COL4A3: variants seen among roughly 807,000 people sequenced by gnomAD.
COL4A3 encodes collagen alpha-3(IV) chain.
A neutral mutation model predicts 217.4 loss-of-function variants in COL4A3; 135 were observed. The ratio of observed to expected loss-of-function variants is 0.62; its 90% CI spans 0.54 to 0.72. The LOEUF is 0.72. COL4A3 is among the 30% of genes least tolerant of loss of function. The pLI is 0.00. For synonymous variants in COL4A3, 690 were observed against 736.3 expected (o/e 0.94, Z 1.02); for missense variants, 1,868 against 2,119.9 (o/e 0.88, Z 2.33).
rs1345753122 is a variant in COL4A3 at position 227,276,329 on chromosome 2, C to T, written c.1928-56C>T. 27 of 1,247,932 alleles carry T rather than the reference C, an allele frequency of 2.2e-5. No homozygotes were observed. The Admixed American group carries it at 3.2e-4, about 15-fold the overall frequency. 77.3% of individuals were successfully genotyped at this position (1,247,932 alleles called of 1,614,324 possible). ...CCTTTATAATCGTATTTTCCGCTAT[C>T]GTCTAAGACAAGCTTCAATATATAC... On this transcript the variant is annotated intron_variant, in intron 26 of 51. Transcript: ENST00000396578.
intron 1 of COL4A3, among the ~76,000 whole-genome samples, chr2:227,189,015 A>T (rs1243124047): frequency 3.9e-5 from 6 of 152,184 alleles, no homozygotes; most frequent in Non-Finnish European, 8.8e-5. Flanking sequence ...CTGAGACTGA[A>T]ATCTAGCCAG....
intron 1 of COL4A3, among the ~76,000 whole-genome samples, chr2:227,214,579 T>C (rs1277231983): frequency 6.6e-6 from 1 of 152,252 alleles, no homozygotes; most frequent in Non-Finnish European, 1.5e-5. Flanking sequence ...TTTACATGTT[T>C]TTATTCCTTA....
At chr2:227,225,640 T>C (rs149214179) in intron 1 of COL4A3, among the ~76,000 whole-genome samples, 1 of 151,990 alleles carries the variant, frequency 6.6e-6, no homozygotes, top group African/African-American at 2.4e-5. Context: ...GGTAGAGATT[T>C]TTTTTTTTAA....
intron 42 of COL4A3, among the ~76,000 whole-genome samples, chr2:227,298,320 G>GC (rs1178725890): frequency 6.6e-6 from 1 of 152,046 alleles, no homozygotes; most frequent in East Asian, 1.9e-4. Flanking sequence ...CCACTGCACT[G>GC]CAGCCTGGGC....
At position 227,311,832 on chromosome 2, in the gene COL4A3, A is replaced by G. The variant is rs193076251; in HGVS notation, c.4975A>G (p.Ile1659Val). 29 of 1,614,102 alleles carry G rather than the reference A, an allele frequency of 1.8e-5. No homozygotes were observed. Among genetic ancestry groups the G allele is most frequent in the Non-Finnish European group, 2.1e-5 (25 of 1,179,992 alleles). Residue 1659 changes from isoleucine (I) to valine (V), a missense_variant, in exon 52 of 52, where the codon ATA becomes GTA. By Grantham distance (29) the Ile-to-Val change is conservative. This residue lies in a region of COL4A3 where 1,503 missense variants were observed against 1,786.1 expected (regional missense o/e 0.84). Transcript: ENST00000396578. ...TVKAGELEKI[I>V]SRCQVCMKKR... ...GAAAGCTGGGGAATTAGAAAAAATA[A>G]TAAGTCGCTGTCAGGTGTGCATGAA...
At chr2:227,259,662 T>C in intron 18 of COL4A3, 131 bp from the exon 19 acceptor site, 1 of 714,564 alleles carries the variant, frequency 1.4e-6, no homozygotes, top group South Asian at 1.6e-5. Flanking sequence ...CCTGCTAACA[T>C]GTAAACCTAT....
intron 10 of COL4A3, 62 bp from the exon 11 acceptor site, chr2:227,251,274 T>C: frequency 6.3e-7 from 1 of 1,592,678 alleles, no homozygotes; most frequent in Non-Finnish European, 8.6e-7. Context: ...AAAAAGTTAT[T>C]AAAAGAATTT....
At chr2:227,259,265 C>T (rs889797225) in intron 18 of COL4A3, 3 of 152,632 alleles carry the variant, frequency 2.0e-5, no homozygotes, top group African/African-American at 7.2e-5. Flanking sequence ...TTCCTCGATT[C>T]TTGCAGGTCA....
chr2:227,277,304 C>T (rs569543549), intron 27 of COL4A3, 145 bp from the exon 28 acceptor site: 10 of 631,072 alleles, frequency 1.6e-5, no homozygotes, highest in Non-Finnish European at 2.8e-6. Context: ...GGGCGACAGA[C>T]CGAAACTCCA....
At chr2:227,238,641 C>T (rs1185870418) in intron 2 of COL4A3, among the ~76,000 whole-genome samples, 1 of 152,164 alleles carries the variant, frequency 6.6e-6, no homozygotes, top group African/African-American at 2.4e-5. Context: ...AAACCCTTTC[C>T]TCAGAGACAC....
intron 1 of COL4A3, among the ~76,000 whole-genome samples, chr2:227,209,013 G>A (rs189699641): frequency 6.6e-6 from 1 of 152,250 alleles, no homozygotes; most frequent in African/African-American, 2.4e-5. Flanking sequence ...AATTCCCAAG[G>A]GAAAGCAGAA....
chr2:227,190,847 C>T (rs1238140701), intron 1 of COL4A3, among the ~76,000 whole-genome samples: 2 of 152,168 alleles, frequency 1.3e-5, no homozygotes, highest in Non-Finnish European at 2.9e-5. Flanking sequence ...GTGAAGGTTT[C>T]AGTGAGCCAA....
At position 227,202,746 on chromosome 2, in the gene COL4A3, AATATATAT is replaced by A. The variant is rs56134612; in HGVS notation, c.88-35203_88-35196del. ...CGAGAATCCGTCTCTAAAAAAAAAA[AATATATAT>A]ATATATATATATATATATCACATAT... On this transcript the variant is annotated intron_variant, in intron 1 of 51. Coordinates refer to ENST00000396578, the MANE Select transcript of COL4A3 (RefSeq NM_000091.5). 4.4e-3 allele frequency among the ~76,000 whole-genome samples: 97 copies of A among 22,206 alleles called. 2 individuals are homozygous for A. Among genetic ancestry groups the A allele is most frequent in the African/African-American group, 9.1e-3 (77 of 8,500 alleles). 14.6% of individuals were successfully genotyped at this position (22,206 alleles called of 152,430 possible).
chr2:227,256,695 T>C, intron 17 of COL4A3: 1 of 537,838 alleles, frequency 1.9e-6, no homozygotes. Flanking sequence ...TGTAGGAAGT[T>C]TGTGGTTATT....
At chr2:227,198,567 G>T (rs1387928128) in intron 1 of COL4A3, among the ~76,000 whole-genome samples, 1 of 151,992 alleles carries the variant, frequency 6.6e-6, no homozygotes, top group African/African-American at 2.4e-5. Flanking sequence ...TATTCATCCA[G>T]TCTTTTTTTA....
Position 227,280,559 on chromosome 2 carries a change from T to A in COL4A3, c.2343T>A (p.Thr781=). The stretch of plus-strand genomic sequence containing the variant: ...CTGGACTTCCAGGTCTCCCTGGAAC[T>A]CCAGGAAATGAAGGGCTTGATGGAC... The part of the protein sequence containing the change: ...GLPGLPGLPG[T]PGNEGLDGPR... Residue 781 remains threonine, a synonymous_variant, in exon 30 of 52, where the codon ACT becomes ACA. Coordinates refer to ENST00000396578, the MANE Select transcript of COL4A3 (RefSeq NM_000091.5). 1 of 1,614,056 alleles carries A rather than the reference T, an allele frequency of 6.2e-7. No individual in the cohort carries two copies. The highest frequency in any genetic ancestry group is 8.5e-7 in the Non-Finnish European group (1 of 1,179,994).
At position 227,314,792 on chromosome 2, in the gene COL4A3, A is replaced by G. The variant is rs1455486236; in HGVS notation, c.*2922A>G. The G allele has an allele frequency of 6.6e-6, 1 of 151,902 alleles. No individual in the cohort carries two copies. Among genetic ancestry groups the G allele is most frequent in the East Asian group, 1.9e-4 (1 of 5,194 alleles). The allele number at this position is 151,902 out of a possible 1,614,324, so 9.4% of individuals were successfully genotyped here. A position where few individuals can be genotyped will look rare whatever the true frequency, so the allele number is the denominator to read the frequency against. ...TAAGAATAAACATTTGTTAAATTGG[A>G]GCTGGTCCTTTTTTTTCAAAATGGA... is the stretch of plus-strand genomic sequence containing the variant. On this transcript the variant is annotated 3_prime_UTR_variant, in exon 52 of 52. Transcript: ENST00000396578.
At chr2:227,203,173 ATGTGTATATG>A (rs771208302) in intron 1 of COL4A3, among the ~76,000 whole-genome samples, 3 of 24,490 alleles carry the variant, frequency 1.2e-4, no homozygotes, top group Non-Finnish European at 2.0e-4. Flanking sequence ...ATGTGTATAT[ATGTGTATATG>A]TGTGTATATA....
chr2:227,175,861 G>C (rs1336153951), intron 1 of COL4A3, among the ~76,000 whole-genome samples: 1 of 152,182 alleles, frequency 6.6e-6, no homozygotes, highest in Admixed American at 6.5e-5. Flanking sequence ...TGACAGTGTG[G>C]TTTGGGAATC....
Sources: allele counts gnomAD v4.1 joint callset (sites outside exome capture counted in the v4.1 genomes callset), GRCh38; gene constraint gnomAD v4.1.1; regional missense constraint gnomAD v4.1.1; transcripts MANE v1.5; gene names NCBI Gene and HGNC (gene_info 2026-07-23, HGNC 2026-07-21).